The following IL7R variants were observed in gnomAD, a reference collection of about 807,000 sequenced individuals.
The protein encoded by IL7R is interleukin 7 receptor.
In IL7R, 38 loss-of-function variants were observed where a neutral mutation model predicts 47.0. That is an observed-to-expected ratio of 0.81 (90% CI 0.62 to 1.06). The LOEUF is 1.06. Ranked by LOEUF, IL7R falls within the 50% of genes least tolerant of loss-of-function variation. IL7R has a pLI of 0.00. For synonymous variants in IL7R, 221 were observed against 199.8 expected (o/e 1.11, Z -0.89); for missense variants, 633 against 534.8 (o/e 1.18, Z -1.81).
chr5:35,864,586 T>C (rs553680141), intron 2 of IL7R, among the ~76,000 whole-genome samples: 1 of 152,288 alleles, frequency 6.6e-6, no homozygotes, highest in East Asian at 1.9e-4. Context: ...ATAACAAATG[T>C]TGAGCAGCTT....
intron 2 of IL7R, among the ~76,000 whole-genome samples, chr5:35,865,738 G>T (rs989222800): frequency 1.3e-5 from 2 of 151,840 alleles, no homozygotes; most frequent in African/African-American, 4.8e-5. Context: ...AATCTACAAT[G>T]AACTCAAACA....
intron 6 of IL7R, 94 bp from the exon 7 acceptor site, chr5:35,875,418 G>A (rs1233322866): frequency 1.1e-6 from 1 of 904,310 alleles, no homozygotes; most frequent in African/African-American, 1.6e-5. Context: ...CTAGAAATCT[G>A]TTCTTCTGAT....
intron 3 of IL7R, among the ~76,000 whole-genome samples, chr5:35,869,927 G>A (rs2149900832): frequency 6.6e-6 from 1 of 152,206 alleles, no homozygotes; most frequent in Middle Eastern, 3.4e-3. Context: ...GCAGAAACAG[G>A]CAGTCACCAC....
intron 2 of IL7R, among the ~76,000 whole-genome samples, chr5:35,865,227 G>T (rs928853842): frequency 6.6e-6 from 1 of 152,034 alleles, no homozygotes; most frequent in Admixed American, 6.6e-5. Flanking sequence ...TTTTGTCCTT[G>T]TGATAGTTTG....
intron 2 of IL7R, among the ~76,000 whole-genome samples, chr5:35,862,858 C>G (rs1218798660): frequency 6.6e-6 from 1 of 152,130 alleles, no homozygotes; most frequent in Non-Finnish European, 1.5e-5. Flanking sequence ...CCTAGTTTCT[C>G]CACATCCCAT....
Position 35,879,544 on chromosome 5 carries a change from T to A in IL7R, c.*3058T>A, listed in dbSNP as rs1190387615. On this transcript the variant is annotated 3_prime_UTR_variant, in exon 8 of 8. Coordinates refer to ENST00000303115, the MANE Select transcript of IL7R (RefSeq NM_002185.5). ...AAACATTTCGCAGAGCTGCTTAGTA[T>A]ATAAGCGTACAATGTATGTAATAAC... The A allele has an allele frequency of 4.4e-6, 1 of 227,858 alleles. No homozygotes were observed. The highest frequency in any genetic ancestry group is 2.2e-5 in the African/African-American group (1 of 45,024). 14.1% of individuals were successfully genotyped at this position (227,858 alleles called of 1,614,324 possible). A position where few individuals can be genotyped will look rare whatever the true frequency, so the allele number is the denominator to read the frequency against.
In IL7R at chr5:35,878,478, T is replaced by G. The variant is rs930308896; in HGVS notation, c.*1992T>G. The G allele has an allele frequency of 8.6e-6, 2 of 232,794 alleles. No individual in the cohort carries two copies. The highest frequency in any genetic ancestry group is 4.4e-5 in the African/African-American group (2 of 45,290). 14.4% of individuals were successfully genotyped at this position (232,794 alleles called of 1,614,324 possible). On this transcript the variant is annotated 3_prime_UTR_variant, in exon 8 of 8. Coordinates refer to ENST00000303115, the MANE Select transcript of IL7R (RefSeq NM_002185.5). ...TGCTATAAAAGAGCCATATTGAAAG[T>G]GCCCTGTTGGAGACAGGGCAAATGC...
rs969128 is a variant in IL7R, at chr5:35,861,057, A to G, written c.221+67A>G. On this transcript the variant is annotated intron_variant, in intron 2 of 7. Coordinates refer to ENST00000303115, the MANE Select transcript of IL7R (RefSeq NM_002185.5). ...TCTCTCTTTTCATATGCTCTTTTTAATAGCCACAAAAGAAAGAATATGTGG... is the reference window on the plus strand; with the variant it reads ...TCTCTCTTTTCATATGCTCTTTTTAGTAGCCACAAAAGAAAGAATATGTGG... The G allele has an allele frequency of 0.13, 199,802 of 1,485,654 alleles. 13,923 individuals carry two copies. Among genetic ancestry groups the G allele is most frequent in the Admixed American group, 0.15 (9,025 of 59,742 alleles). 92.0% of individuals were successfully genotyped at this position (1,485,654 alleles called of 1,614,324 possible).
Position 35,878,507 on chromosome 5 carries a change from A to C in IL7R, c.*2021A>C. ...CTGTTGGAGACAGGGCAAATGCCACAAAAATGATGTAAATTTACATGGAGG... is the reference window on the plus strand; with the variant it reads ...CTGTTGGAGACAGGGCAAATGCCACCAAAATGATGTAAATTTACATGGAGG... On this transcript the variant is annotated 3_prime_UTR_variant, in exon 8 of 8. Coordinates refer to ENST00000303115, the MANE Select transcript of IL7R (RefSeq NM_002185.5). 4.3e-6 allele frequency: 1 copy of C among 232,912 alleles called. No homozygotes were observed. The highest frequency in any genetic ancestry group is 8.5e-6 in the Non-Finnish European group (1 of 117,830). 14.4% of individuals were successfully genotyped at this position (232,912 alleles called of 1,614,324 possible).
At chr5:35,867,221 A>G (rs1486321727) in intron 2 of IL7R, 85 bp from the exon 3 acceptor site, 1 of 1,238,532 alleles carries the variant, frequency 8.1e-7, no homozygotes, top group East Asian at 2.3e-5. Context: ...AAAGTCAAAC[A>G]TACATCAATG....
chr5:35,867,193 A>T lies in IL7R; in HGVS notation c.222-113A>T, dbSNP rs897861181. 15 of 929,444 alleles carry T rather than the reference A, an allele frequency of 1.6e-5. No homozygotes were observed. The Admixed American group carries it at 2.8e-4, about 18-fold the overall frequency. The allele number at this position is 929,444 out of a possible 1,614,324, so 57.6% of individuals were successfully genotyped here. On this transcript the variant is annotated intron_variant, in intron 2 of 7. Coordinates refer to ENST00000303115, the MANE Select transcript of IL7R (RefSeq NM_002185.5). ...AACATGCCTCCACTCACCCACCCAC[A>T]TACCTATGAACAGAGTTAAAGTCAA...
intron 7 of IL7R, 39 bp from the exon 8 acceptor site, chr5:35,875,944 T>C: frequency 6.2e-7 from 1 of 1,601,512 alleles, no homozygotes; most frequent in Non-Finnish European, 8.5e-7. Flanking sequence ...TGTGTCTCTC[T>C]GGTGCCATCT....
In IL7R at chr5:35,876,381, C is replaced by T. The variant is rs1760218136; in HGVS notation, c.1275C>T (p.Ile425=). The T allele has an allele frequency of 3.1e-6, 5 of 1,613,724 alleles. No individual in the cohort carries two copies. Among genetic ancestry groups the T allele is most frequent in the Non-Finnish European group, 4.2e-6 (5 of 1,179,882 alleles). Residue 425 remains isoleucine (I), a synonymous_variant, in exon 8 of 8, where the codon ATC becomes ATT. Transcript: ENST00000303115. ...LPPPFSLQSG[I]LTLNPVAQGQ... ...CTCCATTTTCTCTCCAATCTGGAAT[C>T]CTGACATTGAACCCAGTTGCTCAGG...
At position 35,873,495 on chromosome 5, in the gene IL7R, A is replaced by G; in HGVS notation, c.553A>G (p.Ser185Gly). 2 of 1,614,052 alleles carry G rather than the reference A, an allele frequency of 1.2e-6. No individual in the cohort carries two copies. The highest frequency in any genetic ancestry group is 2.2e-5 in the South Asian group (2 of 91,080). ...ENKWTHVNLSSTKLTLLQRKL... is the reference protein window; with the variant it reads ...ENKWTHVNLSGTKLTLLQRKL... ...TACTCTCTAGCATGTGAATTTATCC[A>G]GCACAAAGCTGACACTCCTGCAGAG... The change falls in exon 5 of 8, where the codon AGC becomes GGC. Residue 185 changes from serine to glycine, a missense_variant. Ser to Gly is a moderately conservative substitution (Grantham distance 56). Coordinates refer to ENST00000303115, the MANE Select transcript of IL7R (RefSeq NM_002185.5).
At chr5:35,873,784 G>A (rs977901728) in intron 5 of IL7R, 136 bp downstream of exon 5, 4 of 818,264 alleles carry the variant, frequency 4.9e-6, no homozygotes, top group South Asian at 4.2e-5. Flanking sequence ...ACTTTCTTTG[G>A]AGAATGACTT....
intron 1 of IL7R, 55 bp downstream of exon 1, chr5:35,857,114 A>C (rs1238609370): frequency 1.8e-6 from 2 of 1,114,466 alleles, no homozygotes; most frequent in Non-Finnish European, 2.7e-6. Context: ...GCATGGTTTC[A>C]GGTTATTCAG....
At chr5:35,862,250 CA>C (rs1759839601) in intron 2 of IL7R, among the ~76,000 whole-genome samples, 1 of 152,030 alleles carries the variant, frequency 6.6e-6, no homozygotes, top group East Asian at 1.9e-4. Context: ...TCAAACAAGG[CA>C]CTCATTTTCA....
intron 3 of IL7R, 81 bp downstream of exon 3, chr5:35,867,544 A>C (rs745708908): frequency 2.7e-6 from 3 of 1,129,386 alleles, no homozygotes; most frequent in Non-Finnish European, 4.0e-6. Context: ...GTAGGTTAAA[A>C]GTAGACAAAT....
At chr5:35,875,800 A>G (rs1760191145) in intron 7 of IL7R, 183 bp from the exon 8 acceptor site, 2 of 779,834 alleles carry the variant, frequency 2.6e-6, no homozygotes, top group Non-Finnish European at 4.3e-6. Flanking sequence ...GGGCACAGCC[A>G]GTGGTCACTT....
Sources: gnomAD v4.1 joint callset for allele counts (sites outside exome capture counted in the v4.1 genomes callset) on GRCh38, gnomAD v4.1.1 for gene constraint, MANE v1.5 for transcripts, NCBI Gene and HGNC (gene_info 2026-07-23, HGNC 2026-07-21) for gene names.